The following PRELID2 variants were observed in gnomAD, a reference collection of about 807,000 sequenced individuals.
The protein encoded by PRELID2 is PRELI domain-containing protein 2.
Under a neutral mutation model 28.4 loss-of-function variants are expected in PRELID2, and 25 were observed. That is an observed-to-expected ratio of 0.88 (90% CI 0.64 to 1.23). The LOEUF (loss-of-function observed/expected upper bound fraction) is 1.23, where lower values mean the gene tolerates loss of function less well. PRELID2 is among the 50% of genes most tolerant of loss of function. The pLI, the probability that PRELID2 is intolerant of heterozygous loss-of-function variation, is 0.00. For missense variants in PRELID2, 201 were observed against 214.4 expected, an observed-to-expected ratio of 0.94 and a Z score of 0.39; for synonymous variants, 76 against 71.6, an observed-to-expected ratio of 1.06 and a Z score of -0.31.
the PRELID2 span, among the ~76,000 whole-genome samples, chr5:145,233,310 G>A: frequency 3.3e-5 from 5 of 152,090 alleles, no homozygotes; most frequent in Admixed American, 1.3e-4. Flanking sequence ...GTGAAGTTCA[G>A]ATTTTCACCA....
chr5:145,488,404 C>T (rs146661914), intron 1 of PRELID2, among the ~76,000 whole-genome samples: 238 of 152,240 alleles, frequency 1.6e-3, no homozygotes, highest in Middle Eastern at 3.4e-3. Flanking sequence ...AATTTGAGGG[C>T]CACTCCCGTG....
At chr5:145,562,971 G>T (rs113573749) in intron 1 of PRELID2, among the ~76,000 whole-genome samples, 1,940 of 152,276 alleles carry the variant, frequency 0.013, 48 homozygotes, top group African/African-American at 0.045. Flanking sequence ...GCCCAAAAGA[G>T]CATTCATGGA....
At chr5:145,449,338 T>C in the PRELID2 span, among the ~76,000 whole-genome samples, 2 of 151,998 alleles carry the variant, frequency 1.3e-5, no homozygotes, top group Admixed American at 1.3e-4. Context: ...CTGGGATGGA[T>C]GGGGAGCTGG....
At chr5:145,350,816 G>A in the PRELID2 span, among the ~76,000 whole-genome samples, 1 of 152,142 alleles carries the variant, frequency 6.6e-6, no homozygotes, top group East Asian at 1.9e-4. Flanking sequence ...CAGCAGCCCA[G>A]ACTATGAGAA....
At chr5:145,414,346 G>C in the PRELID2 span, among the ~76,000 whole-genome samples, 2 of 152,140 alleles carry the variant, frequency 1.3e-5, no homozygotes, top group African/African-American at 4.8e-5. Context: ...GTAGCCAAAG[G>C]TGATGCCCTT....
chr5:145,487,697 C>G (rs573614937), intron 1 of PRELID2, among the ~76,000 whole-genome samples: 1 of 152,240 alleles, frequency 6.6e-6, no homozygotes, highest in East Asian at 1.9e-4. Context: ...ATTTTTCATT[C>G]CATTTCTCTG....
the PRELID2 span, among the ~76,000 whole-genome samples, chr5:145,275,592 A>C: frequency 6.6e-6 from 1 of 152,250 alleles, no homozygotes; most frequent in African/African-American, 2.4e-5. Context: ...TTGTGCAATG[A>C]GTATGGAGCC....
chr5:145,380,794 C>A, the PRELID2 span, among the ~76,000 whole-genome samples: 1 of 152,048 alleles, frequency 6.6e-6, no homozygotes, highest in African/African-American at 2.4e-5. Context: ...CTTTGATGAG[C>A]TTTTCTTTTA....
At chr5:145,230,987 A>G in the PRELID2 span, among the ~76,000 whole-genome samples, 1 of 152,204 alleles carries the variant, frequency 6.6e-6, no homozygotes, top group Non-Finnish European at 1.5e-5. Context: ...ATATACCCTT[A>G]TGTCAAACAT....
chr5:145,728,647 TA>T (rs1756246529), intron 1 of PRELID2: 1 of 1,385,140 alleles, frequency 7.2e-7, no homozygotes, highest in Admixed American at 1.7e-5. Context: ...ACATAACCAA[TA>T]TTTTCAATGA....
chr5:145,820,109 GTTTT>G (rs1275735159), intron 2 of PRELID2, 91 bp from the exon 3 acceptor site: 2 of 547,954 alleles, frequency 3.6e-6, no homozygotes, highest in Admixed American at 3.5e-5. Context: ...GGGTTTTTTT[GTTTT>G]TTGTTTTTTG....
At chr5:145,319,698 A>C in the PRELID2 span, among the ~76,000 whole-genome samples, 1 of 150,592 alleles carries the variant, frequency 6.6e-6, no homozygotes, top group Non-Finnish European at 1.5e-5. Flanking sequence ...TAAATAAATA[A>C]ATAAATAAAT....
chr5:145,525,642 A>G (rs1411294590), intron 1 of PRELID2, among the ~76,000 whole-genome samples: 1 of 152,144 alleles, frequency 6.6e-6, no homozygotes, highest in Non-Finnish European at 1.5e-5. Context: ...TTTTAAACCC[A>G]GTGCTTCTCT....
At chr5:145,306,530 A>C in the PRELID2 span, among the ~76,000 whole-genome samples, 2 of 152,106 alleles carry the variant, frequency 1.3e-5, no homozygotes, top group Admixed American at 6.5e-5. Flanking sequence ...TTTTTGAAAA[A>C]TCAGTAAAAA....
intron 1 of PRELID2, among the ~76,000 whole-genome samples, chr5:145,662,963 T>C (rs529552684): frequency 1.1e-4 from 16 of 152,240 alleles, no homozygotes; most frequent in African/African-American, 3.9e-4. Flanking sequence ...TAATCGACAG[T>C]GAAAATATAA....
At chr5:145,689,986 C>CTTT (rs749912789) in intron 1 of PRELID2, among the ~76,000 whole-genome samples, 58 of 114,878 alleles carry the variant, frequency 5.0e-4, no homozygotes, top group African/African-American at 1.0e-3. Flanking sequence ...CTGTGGGGGT[C>CTTT]TTTTTTTTTT....
At chr5:145,456,790 T>C in the PRELID2 span, among the ~76,000 whole-genome samples, 1 of 152,194 alleles carries the variant, frequency 6.6e-6, no homozygotes, top group African/African-American at 2.4e-5. Flanking sequence ...TAAATGTTTT[T>C]TTAAAGTAAC....
At chr5:145,745,449 G>C (rs1756964148) in intron 1 of PRELID2, among the ~76,000 whole-genome samples, 1 of 152,128 alleles carries the variant, frequency 6.6e-6, no homozygotes, top group Non-Finnish European at 1.5e-5. Context: ...AATGTTAAAG[G>C]TGGCCAAAAA....
At chr5:145,531,600 G>A (rs1752655609) in intron 1 of PRELID2, among the ~76,000 whole-genome samples, 1 of 152,116 alleles carries the variant, frequency 6.6e-6, no homozygotes, top group South Asian at 2.1e-4. Context: ...AATCTGGAAG[G>A]CCCATTGCTC....
Sources: allele counts gnomAD v4.1 joint callset (sites outside exome capture counted in the v4.1 genomes callset), GRCh38; gene constraint gnomAD v4.1.1; transcripts MANE v1.5; gene names NCBI Gene and HGNC (gene_info 2026-07-23, HGNC 2026-07-21).